Variants in FSTL5 observed in about 807,000 individuals in gnomAD.
FSTL5 encodes follistatin like 5.
A neutral mutation model predicts 89.1 loss-of-function variants in FSTL5; 62 were observed. That is an observed-to-expected ratio of 0.70 (90% confidence interval 0.57 to 0.86). FSTL5 has a LOEUF of 0.86. Ranked by LOEUF, FSTL5 falls within the 40% of genes least tolerant of loss-of-function variation. The probability of loss-of-function intolerance (pLI) is 0.00; values close to 1 mark genes in which losing one functional copy is unlikely to be tolerated. For synonymous variants in FSTL5, 383 were observed against 346.2 expected, an observed-to-expected ratio of 1.11 and a Z score of -1.18; for missense variants, 1,057 against 1,001.6, an observed-to-expected ratio of 1.06 and a Z score of -0.75.
intron 2 of FSTL5, among the ~76,000 whole-genome samples, chr4:162,071,627 AC>A (rs1471911045): frequency 2.0e-5 from 3 of 151,772 alleles, no homozygotes; most frequent in Non-Finnish European, 4.4e-5. Flanking sequence ...ACTTAACTGT[AC>A]TATAGACCAT....
chr4:161,963,113 A>C (rs147599850), intron 3 of FSTL5, among the ~76,000 whole-genome samples: 1 of 151,960 alleles, frequency 6.6e-6, no homozygotes. Flanking sequence ...ATGTAAGTTA[A>C]ATACTATGCA....
chr4:161,741,621 G>C (rs1740029456), intron 6 of FSTL5, among the ~76,000 whole-genome samples: 1 of 151,646 alleles, frequency 6.6e-6, no homozygotes, highest in African/African-American at 2.4e-5. Context: ...AATGAAGAAT[G>C]AAGCAAAATA....
At chr4:161,430,734 C>T (rs369589925) in intron 15 of FSTL5, among the ~76,000 whole-genome samples, 42 of 151,820 alleles carry the variant, frequency 2.8e-4, no homozygotes, top group African/African-American at 4.8e-4. Flanking sequence ...AGCGCGACTC[C>T]GTCAGAAAAC....
intron 6 of FSTL5, among the ~76,000 whole-genome samples, chr4:161,702,972 T>C (rs1738450938): frequency 6.6e-6 from 1 of 151,974 alleles, no homozygotes; most frequent in Non-Finnish European, 1.5e-5. Flanking sequence ...AATGAGACAT[T>C]GGGGTGGGCT....
intron 6 of FSTL5, among the ~76,000 whole-genome samples, chr4:161,726,747 A>C (rs1392396115): frequency 6.6e-6 from 1 of 152,048 alleles, no homozygotes; most frequent in Non-Finnish European, 1.5e-5. Context: ...AGAATAAATA[A>C]TTAGCTAACA....
At chr4:161,675,327 A>C (rs1303313013) in intron 6 of FSTL5, among the ~76,000 whole-genome samples, 1 of 151,936 alleles carries the variant, frequency 6.6e-6, no homozygotes, top group Admixed American at 6.6e-5. Context: ...ATTTTCTACT[A>C]ATAAATGCAT....
At chr4:161,877,336 G>T (rs1291384980) in intron 4 of FSTL5, among the ~76,000 whole-genome samples, 1 of 149,856 alleles carries the variant, frequency 6.7e-6, no homozygotes, top group African/African-American at 2.4e-5. Flanking sequence ...ATAATATGTT[G>T]TCATAAACAA....
chr4:161,774,647 C>A (rs1741335407), intron 5 of FSTL5, among the ~76,000 whole-genome samples: 1 of 149,110 alleles, frequency 6.7e-6, no homozygotes, highest in African/African-American at 2.5e-5. Context: ...AACAACAAAA[C>A]AATTGATAAA....
chr4:161,875,158 T>A (rs1482446030), intron 4 of FSTL5, among the ~76,000 whole-genome samples: 1 of 152,130 alleles, frequency 6.6e-6, no homozygotes. Context: ...ATTCTTTTAT[T>A]TGGAGGCAGG....
intron 3 of FSTL5, among the ~76,000 whole-genome samples, chr4:161,953,807 T>C (rs1443620199): frequency 6.6e-6 from 1 of 151,670 alleles, no homozygotes; most frequent in African/African-American, 2.4e-5. Context: ...TTCTTTTCAA[T>C]GACTTTCAAA....
chr4:161,868,155 A>T (rs540262738), intron 4 of FSTL5, among the ~76,000 whole-genome samples: 598 of 152,258 alleles, frequency 3.9e-3, no homozygotes, highest in Non-Finnish European at 5.7e-3. Flanking sequence ...GGATTTTTTT[A>T]AAATTAGGGA....
chr4:161,743,789 A>T (rs141013267), intron 6 of FSTL5, among the ~76,000 whole-genome samples: 1 of 152,322 alleles, frequency 6.6e-6, no homozygotes, highest in African/African-American at 2.4e-5. Flanking sequence ...TACTTTGGTT[A>T]TAAAATTATG....
intron 13 of FSTL5, among the ~76,000 whole-genome samples, chr4:161,461,678 A>T (rs2126415531): frequency 6.6e-6 from 1 of 152,146 alleles, no homozygotes; most frequent in South Asian, 2.1e-4. Context: ...AGAATGCCAG[A>T]TGTTTCATTT....
At chr4:161,774,926 G>A (rs192561640) in intron 5 of FSTL5, among the ~76,000 whole-genome samples, 76 of 152,154 alleles carry the variant, frequency 5.0e-4, no homozygotes, top group Non-Finnish European at 3.2e-4. Flanking sequence ...AAATAAATGT[G>A]AGGCTGCATT....
At chr4:161,915,507 T>C (rs1479649515) in intron 4 of FSTL5, among the ~76,000 whole-genome samples, 1 of 152,144 alleles carries the variant, frequency 6.6e-6, no homozygotes, top group Non-Finnish European at 1.5e-5. Context: ...ATCATATGTC[T>C]CCTATGTATT....
At chr4:162,077,971 C>A (rs1483257775) in intron 2 of FSTL5, among the ~76,000 whole-genome samples, 1 of 151,814 alleles carries the variant, frequency 6.6e-6, no homozygotes, top group Non-Finnish European at 1.5e-5. Context: ...ACTGTAATAT[C>A]TTTATAAAGG....
intron 4 of FSTL5, among the ~76,000 whole-genome samples, chr4:161,784,908 A>AAAAAAC: frequency 6.9e-6 from 1 of 145,334 alleles, no homozygotes; most frequent in Middle Eastern, 3.4e-3. Context: ...AAACAAAAAC[A>AAAAAAC]AACAAACAAA....
At chr4:161,894,320 A>T (rs981009689) in intron 4 of FSTL5, among the ~76,000 whole-genome samples, 1 of 152,124 alleles carries the variant, frequency 6.6e-6, no homozygotes, top group Admixed American at 6.6e-5. Context: ...AATACTATGT[A>T]ATTTTAGTTC....
intron 15 of FSTL5, among the ~76,000 whole-genome samples, chr4:161,398,993 A>T (rs1731093135): frequency 6.6e-6 from 1 of 152,252 alleles, no homozygotes; most frequent in African/African-American, 2.4e-5. Flanking sequence ...AATACACGTT[A>T]AAAAATGTTT....
Sources: allele counts gnomAD v4.1 joint callset (sites outside exome capture counted in the v4.1 genomes callset), GRCh38; gene constraint gnomAD v4.1.1; transcripts MANE v1.5; gene names NCBI Gene and HGNC (gene_info 2026-07-23, HGNC 2026-07-21).